Variants in SLC25A21 observed in about 807,000 individuals in gnomAD.
SLC25A21 encodes solute carrier family 25 member 21.
In SLC25A21, 47 loss-of-function variants were observed where a neutral mutation model predicts 43.8. That is an observed-to-expected ratio of 1.07 (90% CI 0.85 to 1.37). The LOEUF (loss-of-function observed/expected upper bound fraction) is 1.37. Ranked by LOEUF, SLC25A21 falls within the 40% of genes most tolerant of loss-of-function variation. The pLI, the probability that SLC25A21 is intolerant of heterozygous loss-of-function variation, is 0.00. For synonymous variants in SLC25A21, 131 were observed against 121.3 expected (o/e 1.08, Z -0.52); for missense variants, 352 against 350.2 (o/e 1.00, Z -0.04).
intron 3 of SLC25A21, among the ~76,000 whole-genome samples, chr14:36,808,297 A>T (rs1888115349): frequency 6.6e-6 from 1 of 152,198 alleles, no homozygotes; most frequent in Non-Finnish European, 1.5e-5. Context: ...ACTGAAAACC[A>T]TGAACTTATC....
At chr14:36,980,332 G>A (rs1180766291) in intron 1 of SLC25A21, among the ~76,000 whole-genome samples, 5 of 152,196 alleles carry the variant, frequency 3.3e-5, no homozygotes, top group African/African-American at 1.2e-4. Flanking sequence ...ATAATATCCT[G>A]AAGAGTGTTT....
intron 2 of SLC25A21, among the ~76,000 whole-genome samples, chr14:36,868,254 C>T (rs1004716711): frequency 1.3e-5 from 2 of 152,114 alleles, no homozygotes; most frequent in African/African-American, 2.4e-5. Context: ...GCCATAGGTT[C>T]TTAATGAGGG....
intron 3 of SLC25A21, among the ~76,000 whole-genome samples, chr14:36,813,338 TAGATC>T (rs1489224756): frequency 1.3e-5 from 2 of 151,346 alleles, no homozygotes; most frequent in Non-Finnish European, 2.9e-5. Context: ...GATCATTTAA[TAGATC>T]AGATAATTAA....
At chr14:36,821,795 C>T (rs116159050) in intron 2 of SLC25A21, among the ~76,000 whole-genome samples, 1,691 of 152,184 alleles carry the variant, frequency 0.011, 21 homozygotes, top group African/African-American at 0.038. Flanking sequence ...CCAGCCTGGA[C>T]GACAGTGCGA....
chr14:37,170,903 G>T (rs1034288563), intron 1 of SLC25A21, among the ~76,000 whole-genome samples: 3 of 146,456 alleles, frequency 2.0e-5, no homozygotes, highest in Admixed American at 7.1e-5. Context: ...TGGGCAACAT[G>T]GCGAAAGCCC....
intron 1 of SLC25A21, among the ~76,000 whole-genome samples, chr14:36,912,694 C>T (rs1482034919): frequency 6.6e-6 from 1 of 152,104 alleles, no homozygotes; most frequent in Admixed American, 6.5e-5. Context: ...TAAAAGTTTG[C>T]CCAAGTGTTA....
At chr14:36,880,230 T>C (rs529379639) in intron 1 of SLC25A21, among the ~76,000 whole-genome samples, 1 of 152,242 alleles carries the variant, frequency 6.6e-6, no homozygotes, top group South Asian at 2.1e-4. Context: ...CCCATCTTAC[T>C]AGTGGAATAT....
At chr14:36,974,055 G>T (rs1329339413) in intron 1 of SLC25A21, among the ~76,000 whole-genome samples, 2 of 152,172 alleles carry the variant, frequency 1.3e-5, no homozygotes, top group Non-Finnish European at 2.9e-5. Flanking sequence ...TTAATAAAAG[G>T]ATTTGACAAA....
At chr14:36,922,165 A>G (rs976499470) in intron 1 of SLC25A21, among the ~76,000 whole-genome samples, 2 of 150,526 alleles carry the variant, frequency 1.3e-5, no homozygotes, top group Admixed American at 1.3e-4. Flanking sequence ...TGTAGTATAG[A>G]AACTAAGAAT....
chr14:36,924,898 T>TG (rs1566743036), intron 1 of SLC25A21, among the ~76,000 whole-genome samples: 1 of 152,110 alleles, frequency 6.6e-6, no homozygotes, highest in Non-Finnish European at 1.5e-5. Flanking sequence ...ATAAGGGACT[T>TG]GAGCATCTGC....
intron 2 of SLC25A21, among the ~76,000 whole-genome samples, chr14:36,867,457 G>T (rs1213207148): frequency 2.0e-5 from 3 of 152,092 alleles, no homozygotes; most frequent in Admixed American, 6.6e-5. Context: ...GGCCAGGCAT[G>T]GTGCTAGCTC....
chr14:37,154,583 C>G (rs529021051), intron 1 of SLC25A21, among the ~76,000 whole-genome samples: 8 of 151,708 alleles, frequency 5.3e-5, no homozygotes, highest in African/African-American at 1.9e-4. Context: ...TAAAGAAACT[C>G]AGTACAAAGA....
chr14:36,903,167 T>TTA (rs1415071643), intron 1 of SLC25A21, among the ~76,000 whole-genome samples: 1 of 152,178 alleles, frequency 6.6e-6, no homozygotes, highest in Non-Finnish European at 1.5e-5. Flanking sequence ...CTTGCTGCCA[T>TTA]TATGTTTTTA....
intron 1 of SLC25A21, among the ~76,000 whole-genome samples, chr14:37,052,398 T>C (rs1186204553): frequency 6.6e-6 from 1 of 152,190 alleles, no homozygotes; most frequent in Admixed American, 6.5e-5. Context: ...TGGACCCCAC[T>C]GACTCTTAAG....
chr14:37,009,543 G>T (rs977377576), intron 1 of SLC25A21, among the ~76,000 whole-genome samples: 1 of 152,136 alleles, frequency 6.6e-6, no homozygotes, highest in Admixed American at 6.5e-5. Flanking sequence ...AGTTCAGAAA[G>T]ACCAGGGGAA....
chr14:37,009,435 G>A (rs976756607), intron 1 of SLC25A21, among the ~76,000 whole-genome samples: 4 of 152,006 alleles, frequency 2.6e-5, no homozygotes, highest in South Asian at 2.1e-4. Flanking sequence ...GCAGTGAGCC[G>A]AGATCATGCC....
chr14:36,961,538 A>G (rs924663306), intron 1 of SLC25A21, among the ~76,000 whole-genome samples: 1 of 152,144 alleles, frequency 6.6e-6, no homozygotes, highest in African/African-American at 2.4e-5. Flanking sequence ...TCATGGTCCT[A>G]AGAGTGACTT....
chr14:36,963,090 T>G (rs769374522), intron 1 of SLC25A21, among the ~76,000 whole-genome samples: 3 of 152,180 alleles, frequency 2.0e-5, no homozygotes, highest in East Asian at 1.9e-4. Flanking sequence ...TTTTGAGTCA[T>G]TAAAGAGGTT....
chr14:37,127,935 T>C (rs925505865), intron 1 of SLC25A21, among the ~76,000 whole-genome samples: 6 of 152,160 alleles, frequency 3.9e-5, no homozygotes, highest in Non-Finnish European at 7.3e-5. Context: ...AAGCCAAATA[T>C]CTTTCAGTCA....
Sources: gnomAD v4.1 joint callset for allele counts (sites outside exome capture counted in the v4.1 genomes callset) on GRCh38, gnomAD v4.1.1 for gene constraint, MANE v1.5 for transcripts, NCBI Gene and HGNC (gene_info 2026-07-23, HGNC 2026-07-21) for gene names.